Variants in KAT6A observed in about 807,000 individuals in gnomAD.
KAT6A encodes lysine acetyltransferase 6A.
Under a neutral mutation model 198.4 loss-of-function variants are expected in KAT6A, and 9 were observed. That is an observed-to-expected ratio of 0.05 (90% CI 0.03 to 0.08). The LOEUF is 0.08. KAT6A is among the 10% of genes least tolerant of loss of function. The pLI is 1.00. For missense variants in KAT6A, 2,077 were observed against 2,509.9 expected, an observed-to-expected ratio of 0.83 and a Z score of 3.69; for synonymous variants, 890 against 883.0, an observed-to-expected ratio of 1.01 and a Z score of -0.14.
intron 2 of KAT6A, among the ~76,000 whole-genome samples, chr8:41,989,073 A>G (rs1435399608): frequency 6.6e-6 from 1 of 152,182 alleles, no homozygotes; most frequent in African/African-American, 2.4e-5. Context: ...TACTTTCACA[A>G]AAGTACCCTT....
rs1821540363 is a variant in KAT6A at position 41,931,492 on chromosome 8, C to T, written c.*713G>A. 1 of 208,102 alleles carries T rather than the reference C, an allele frequency of 4.8e-6. No homozygotes were observed. The highest frequency in any genetic ancestry group is 2.3e-5 in the African/African-American group (1 of 43,874). The allele number at this position is 208,102 out of a possible 1,614,324, so 12.9% of individuals were successfully genotyped here. On this transcript the variant is annotated 3_prime_UTR_variant, in exon 17 of 17. Transcript: ENST00000265713. ...AAAAGAAGAAAAAAATTATATTACA[C>T]TTGATTCAAGAACAACAAAGATTTC...
intron 7 of KAT6A, among the ~76,000 whole-genome samples, chr8:41,975,403 T>C (rs946783120): frequency 1.3e-5 from 2 of 152,084 alleles, no homozygotes; most frequent in African/African-American, 2.4e-5. Context: ...AAAAAACTAG[T>C]GAAGAGAGTA....
intron 15 of KAT6A, among the ~76,000 whole-genome samples, chr8:41,940,332 T>A (rs1259312939): frequency 2.0e-5 from 3 of 152,180 alleles, no homozygotes; most frequent in Admixed American, 6.5e-5. Flanking sequence ...GAGGGATGTG[T>A]GAGAAGTGGG....
chr8:41,930,981 T>C lies in KAT6A; in HGVS notation c.*1224A>G, dbSNP rs1821513184. 1 of 211,006 alleles carries C rather than the reference T, an allele frequency of 4.7e-6. No homozygotes were observed. The highest frequency in any genetic ancestry group is 9.6e-6 in the Non-Finnish European group (1 of 104,054). 13.1% of individuals were successfully genotyped at this position (211,006 alleles called of 1,614,324 possible). A position where few individuals can be genotyped will look rare whatever the true frequency, so the allele number is the denominator to read the frequency against. On this transcript the variant is annotated 3_prime_UTR_variant, in exon 17 of 17. Transcript: ENST00000265713. The stretch of plus-strand genomic sequence containing the variant: ...GATGAACTCAGGATCTCAAAAGACA[T>C]ACAAAAACTAGAGGTATGTATCACT...
chr8:41,941,529 G>A (rs182311746), intron 14 of KAT6A, 85 bp from the exon 15 acceptor site: 109 of 1,372,620 alleles, frequency 7.9e-5, no homozygotes, highest in Non-Finnish European at 8.9e-5. Context: ...TAAGTATTGA[G>A]AGAAGAAAAG....
In KAT6A at chr8:41,936,032, C is replaced by T. The variant is rs149355914; in HGVS notation, c.3353-1165G>A. ...ATCCCAGCACTTTGGGAGTCCAAGG[C>T]GGGTGGATCACTTGAGGTCAGGAGT... On this transcript the variant is annotated intron_variant, in intron 16 of 16. Coordinates refer to ENST00000265713, the MANE Select transcript of KAT6A (RefSeq NM_006766.5). Among the ~76,000 whole-genome samples the T allele has an allele frequency of 1.4e-4, 22 of 152,184 alleles. No homozygotes were observed. The East Asian group carries it at 4.3e-3, about 29-fold the overall frequency.
At chr8:42,041,535 G>C (rs972671470) in intron 2 of KAT6A, among the ~76,000 whole-genome samples, 2 of 152,120 alleles carry the variant, frequency 1.3e-5, no homozygotes, top group African/African-American at 4.8e-5. Flanking sequence ...TCAGGAGTTC[G>C]AGAACACAAC....
intron 15 of KAT6A, 66 bp downstream of exon 15, chr8:41,940,776 T>C (rs1335571518): frequency 6.5e-7 from 1 of 1,533,062 alleles, no homozygotes; most frequent in Non-Finnish European, 8.7e-7. Context: ...AACTGTAAGC[T>C]AAAACGAGAA....
intron 2 of KAT6A, among the ~76,000 whole-genome samples, chr8:42,040,090 ATATAT>A (rs1827576650): frequency 6.6e-6 from 1 of 151,922 alleles, no homozygotes; most frequent in African/African-American, 2.4e-5. Flanking sequence ...TATTATATAA[ATATAT>A]TATGCCTATA....
chr8:41,934,526 C>T lies in KAT6A; in HGVS notation c.3694G>A (p.Glu1232Lys). The change falls in exon 17 of 17, where the codon GAG becomes AAG. Residue 1232 changes from glutamate to lysine, a missense_variant. By Grantham distance (56) the Glu-to-Lys change is moderately conservative. Around this residue, in one of 13 missense-constraint regions of KAT6A, gnomAD observed 375 missense variants for 383.0 expected, o/e 0.98. Transcript: ENST00000265713. ...ERKEEEEMQA[E>K]AEEAEEGEEE... is the part of the protein sequence containing the mutation. ...TCACCCTCTTCAGCCTCTTCTGCCT[C>T]TGCTTGCATCTCCTCCTCCTCCTTC... 6.2e-7 allele frequency: 1 copy of T among 1,613,884 alleles called. No homozygotes were observed. The highest frequency in any genetic ancestry group is 1.1e-5 in the South Asian group (1 of 91,074).
chr8:42,011,375 T>G (rs1826008497), intron 2 of KAT6A, among the ~76,000 whole-genome samples: 1 of 152,196 alleles, frequency 6.6e-6, no homozygotes, highest in South Asian at 2.1e-4. Flanking sequence ...CCTTCTTTAA[T>G]TCAATAGACT....
chr8:42,050,808 G>GTCAC (rs1802577115), intron 1 of KAT6A, among the ~76,000 whole-genome samples: 1 of 152,166 alleles, frequency 6.6e-6, no homozygotes, highest in African/African-American at 2.4e-5. Context: ...ATGAGTGACA[G>GTCAC]TCACTCATTG....
In KAT6A at chr8:41,977,227, C is replaced by G; in HGVS notation, c.1144G>C (p.Gly382Arg). 1 of 1,614,090 alleles carries G rather than the reference C, an allele frequency of 6.2e-7. No homozygotes were observed. Among genetic ancestry groups the G allele is most frequent in the Non-Finnish European group, 8.5e-7 (1 of 1,179,946 alleles). Residue 382 changes from glycine (G) to arginine (R), a missense_variant, in exon 7 of 17, where the codon GGA becomes CGA. Physicochemically the swap from Gly to Arg is moderately radical, Grantham distance 125 (BLOSUM62 -2). Coordinates refer to ENST00000265713, the MANE Select transcript of KAT6A (RefSeq NM_006766.5). ...AAGCCATCTATCCGCTCTAAATATC[C>G]TTCTTCTGATGATGATGATGCTGAT... Reference protein sequence around the residue: ...SQSASSSSEEGYLERIDGLDF... With the variant: ...SQSASSSSEERYLERIDGLDF...
chr8:41,974,732 A>G lies in KAT6A; in HGVS notation c.1454T>C (p.Phe485Ser). 1 of 1,609,694 alleles carries G rather than the reference A, an allele frequency of 6.2e-7. No homozygotes were observed. The highest frequency in any genetic ancestry group is 8.5e-7 in the Non-Finnish European group (1 of 1,177,680). ...EIMTEKDMEL[F>S]RDIQEQALQK... is the part of the protein sequence containing the mutation. ...CAGTGCTTGTTCTTGGATATCACGA[A>G]ATAATTCCATATCTTTCTCAGTCAT... Residue 485 changes from phenylalanine to serine, a missense_variant, in exon 8 of 17, where the codon TTT becomes TCT. Coordinates refer to ENST00000265713, the MANE Select transcript of KAT6A (RefSeq NM_006766.5).
chr8:41,978,599 C>CCCTA (rs1564036048), intron 6 of KAT6A, 43 bp downstream of exon 6: 1 of 1,603,084 alleles, frequency 6.2e-7, no homozygotes. Context: ...ATAGAGAAGA[C>CCCTA]CCTATCCTTT....
chr8:41,981,786 C>T (rs148680744), intron 4 of KAT6A, 53 bp downstream of exon 4: 73 of 1,081,520 alleles, frequency 6.7e-5, no homozygotes, highest in Non-Finnish European at 9.5e-5. Flanking sequence ...AAATGCTGGT[C>T]GTACATTCTA....
intron 2 of KAT6A, among the ~76,000 whole-genome samples, chr8:42,028,237 C>A (rs1173875601): frequency 6.6e-6 from 1 of 152,126 alleles, no homozygotes; most frequent in Admixed American, 6.5e-5. Flanking sequence ...TCTGTAAATA[C>A]CAGTCAGGTC....
At chr8:42,030,515 C>G (rs1213392229) in intron 2 of KAT6A, among the ~76,000 whole-genome samples, 1 of 152,074 alleles carries the variant, frequency 6.6e-6, no homozygotes, top group African/African-American at 2.4e-5. Flanking sequence ...AGTCACCCAT[C>G]TTTAAGCCTC....
intron 14 of KAT6A, 102 bp from the exon 15 acceptor site, chr8:41,941,546 G>A: frequency 8.0e-7 from 1 of 1,242,684 alleles, no homozygotes; most frequent in Non-Finnish European, 1.1e-6. Flanking sequence ...AAAGGAAACT[G>A]AGCTTTAAAA....
Sources: allele counts gnomAD v4.1 joint callset (sites outside exome capture counted in the v4.1 genomes callset), GRCh38; gene constraint gnomAD v4.1.1; regional missense constraint gnomAD v4.1.1; transcripts MANE v1.5; gene names NCBI Gene and HGNC (gene_info 2026-07-23, HGNC 2026-07-21).